Variants in SVOPL observed in about 807,000 individuals in gnomAD.
SVOPL encodes the protein putative transporter SVOPL.
SVOPL carries 60 observed loss-of-function variants against 61.0 expected under a neutral mutation model. The observed-to-expected ratio is 0.98, with a 90% CI of 0.80 to 1.22. The LOEUF (loss-of-function observed/expected upper bound fraction) is 1.22, where lower values mean the gene tolerates loss of function less well. SVOPL is among the 50% of genes most tolerant of loss of function. The pLI, the probability that SVOPL is intolerant of heterozygous loss-of-function variation, is 0.00. For synonymous variants in SVOPL, 279 were observed against 250.0 expected (o/e 1.12, Z -1.09); for missense variants, 662 against 643.9 (o/e 1.03, Z -0.30).
chr7:138,669,128 T>G (rs1252816700), intron 4 of SVOPL, among the ~76,000 whole-genome samples: 1 of 152,236 alleles, frequency 6.6e-6, no homozygotes, highest in African/African-American at 2.4e-5. Flanking sequence ...TGCAGTTTCC[T>G]TATCTGACCA....
intron 1 of SVOPL, among the ~76,000 whole-genome samples, chr7:138,691,302 C>T (rs539884401): frequency 7.2e-5 from 11 of 152,244 alleles, no homozygotes; most frequent in African/African-American, 2.4e-4. Context: ...TCAGTTACAA[C>T]TAAAATGCTT....
Position 138,644,768 on chromosome 7 carries a change from G to GA in SVOPL, c.737_738insT (p.Lys247GlnfsTer30). On this transcript the variant is annotated frameshift_variant, in exon 9 of 16. Coordinates refer to ENST00000674285, the MANE Select transcript of SVOPL (RefSeq NM_001139456.2). LOFTEE classifies it high-confidence loss of function. ...CCGGCATGACCGAGCGGTTCATCTT[G>GA]GCAACGCGCTCCAGAGTGGCCAGGG... 1 of 1,614,144 alleles carries GA rather than the reference G, an allele frequency of 6.2e-7. No homozygotes were observed. The highest frequency in any genetic ancestry group is 8.5e-7 in the Non-Finnish European group (1 of 1,180,006).
chr7:138,678,678 C>A (rs1802632665), intron 2 of SVOPL, among the ~76,000 whole-genome samples, 153 bp from the exon 3 acceptor site: 1 of 152,202 alleles, frequency 6.6e-6, no homozygotes, highest in African/African-American at 2.4e-5. Flanking sequence ...CCAAGCAATT[C>A]TCCTCCCTCA....
chr7:138,674,292 T>C (rs1207116857), intron 3 of SVOPL, among the ~76,000 whole-genome samples: 4 of 151,788 alleles, frequency 2.6e-5, no homozygotes, highest in African/African-American at 9.7e-5. Context: ...TGCTGTTATA[T>C]ACACCGTCAC....
intron 5 of SVOPL, 178 bp from the exon 6 acceptor site, chr7:138,660,166 C>T (rs529951665): frequency 5.5e-5 from 76 of 1,386,038 alleles, no homozygotes; most frequent in Non-Finnish European, 2.8e-6. Context: ...TGCCATTCTA[C>T]TGTCTGGAAG....
At chr7:138,609,753 G>T (rs1227505258) in intron 14 of SVOPL, among the ~76,000 whole-genome samples, 1 of 151,744 alleles carries the variant, frequency 6.6e-6, no homozygotes, top group Non-Finnish European at 1.5e-5. Flanking sequence ...TGGGGAGAGG[G>T]ATAGAGTCTC....
intron 14 of SVOPL, among the ~76,000 whole-genome samples, chr7:138,614,315 A>G (rs930428695): frequency 1.3e-5 from 2 of 152,124 alleles, no homozygotes; most frequent in Non-Finnish European, 2.9e-5. Flanking sequence ...GATTTCAGCT[A>G]GAAAAAGCAG....
At chr7:138,648,055 G>A (rs772024450) in intron 8 of SVOPL, among the ~76,000 whole-genome samples, 6 of 152,106 alleles carry the variant, frequency 3.9e-5, no homozygotes, top group Non-Finnish European at 8.8e-5. Flanking sequence ...TCTTGTCTTT[G>A]AATGAGTAGA....
At chr7:138,606,108 T>C (rs1798745382) in intron 14 of SVOPL, among the ~76,000 whole-genome samples, 2 of 152,278 alleles carry the variant, frequency 1.3e-5, no homozygotes, top group South Asian at 4.1e-4. Flanking sequence ...ACACAAAAAT[T>C]AGCCATCTAT....
chr7:138,676,705 A>C (rs538601830), intron 3 of SVOPL, among the ~76,000 whole-genome samples: 2 of 152,304 alleles, frequency 1.3e-5, no homozygotes, highest in South Asian at 4.1e-4. Context: ...AAAATGTTTG[A>C]GAGCCATGTG....
At chr7:138,682,431 A>G (rs1802719601) in intron 1 of SVOPL, among the ~76,000 whole-genome samples, 1 of 152,206 alleles carries the variant, frequency 6.6e-6, no homozygotes, top group Non-Finnish European at 1.5e-5. Context: ...ATCTAGCTCT[A>G]GCTACCAGCT....
At chr7:138,636,707 G>T (rs1229534780) in intron 9 of SVOPL, among the ~76,000 whole-genome samples, 1 of 152,082 alleles carries the variant, frequency 6.6e-6, no homozygotes, top group Non-Finnish European at 1.5e-5. Flanking sequence ...TTGGCCTCAG[G>T]TGACCCACCC....
In SVOPL at chr7:138,688,973, C is replaced by G. The variant is rs1322807118; in HGVS notation, c.-34-9894G>C. On this transcript the variant is annotated intron_variant, in intron 1 of 15. Coordinates refer to ENST00000674285, the MANE Select transcript of SVOPL (RefSeq NM_001139456.2). The stretch of plus-strand genomic sequence containing the variant: ...CTTTCCCTAAGCGGCCTGAGGTGAT[C>G]TGTGAAATGGTTTGCTATTCACTTG... 73 of 627,776 alleles carry G rather than the reference C, an allele frequency of 1.2e-4. No individual in the cohort carries two copies. The Admixed American group carries it at 1.3e-3, about 12-fold the overall frequency. The allele number at this position is 627,776 out of a possible 1,614,324, so 38.9% of individuals were successfully genotyped here. A position where few individuals can be genotyped will look rare whatever the true frequency, so the allele number is the denominator to read the frequency against.
intron 13 of SVOPL, among the ~76,000 whole-genome samples, chr7:138,623,474 C>G (rs1799761146): frequency 6.6e-6 from 1 of 152,002 alleles, no homozygotes; most frequent in Non-Finnish European, 1.5e-5. Context: ...GTGGCGGGCA[C>G]CTGTAGTCCC....
intron 9 of SVOPL, among the ~76,000 whole-genome samples, chr7:138,641,229 TAA>T (rs5887892): frequency 0.072 from 9,387 of 130,704 alleles, 859 homozygotes; most frequent in African/African-American, 0.22. Flanking sequence ...CTGAAATTAT[TAA>T]AAAAAAAAAA....
intron 14 of SVOPL, among the ~76,000 whole-genome samples, chr7:138,612,405 TAA>T (rs1158818070): frequency 4.3e-4 from 4 of 9,332 alleles, no homozygotes; most frequent in Non-Finnish European, 6.0e-4. Flanking sequence ...AAAAATAAAT[TAA>T]AAAAAAAAAA....
chr7:138,594,420 T>C lies in SVOPL; in HGVS notation c.*190A>G. ...AATTATATTTTATAAAAGTACTTTA[T>C]ATATTGTTCCTCAAGGAAGAGATCA... is the stretch of plus-strand genomic sequence containing the variant. On this transcript the variant is annotated 3_prime_UTR_variant, in exon 16 of 16. Transcript: ENST00000674285. 1 of 398,400 alleles carries C rather than the reference T, an allele frequency of 2.5e-6. No individual in the cohort carries two copies. 24.7% of individuals were successfully genotyped at this position (398,400 alleles called of 1,614,324 possible). A position where few individuals can be genotyped will look rare whatever the true frequency, so the allele number is the denominator to read the frequency against.
rs769775929 is a variant in SVOPL, at chr7:138,596,571, G to A, written c.1354-41C>T. Reference sequence around the variant, plus strand: ...GAATTACTCAATTTATTATGCTCCAGTTACCTCTAAACTGTTCTTTATGTG... The same window carrying A: ...GAATTACTCAATTTATTATGCTCCAATTACCTCTAAACTGTTCTTTATGTG... On this transcript the variant is annotated intron_variant, in intron 14 of 15. Transcript: ENST00000674285. 6 of 1,605,048 alleles carry A rather than the reference G, an allele frequency of 3.7e-6. No individual in the cohort carries two copies. The East Asian group carries it at 9.0e-5, about 24-fold the overall frequency.
At chr7:138,628,586 G>T (rs956451053) in intron 10 of SVOPL, among the ~76,000 whole-genome samples, 3 of 152,184 alleles carry the variant, frequency 2.0e-5, no homozygotes, top group Non-Finnish European at 4.4e-5. Flanking sequence ...CCGGGCCATA[G>T]TATACACATA....
Sources: gnomAD v4.1 joint callset for allele counts (sites outside exome capture counted in the v4.1 genomes callset) on GRCh38, gnomAD v4.1.1 for gene constraint, MANE v1.5 for transcripts, NCBI Gene and HGNC (gene_info 2026-07-23, HGNC 2026-07-21) for gene names.